The following ATP10B variants were observed in gnomAD, a reference collection of about 807,000 sequenced individuals.
The protein encoded by ATP10B is phospholipid-transporting ATPase VB.
In ATP10B, 122 loss-of-function variants were observed where a neutral mutation model predicts 141.2. The observed-to-expected ratio is 0.86, with a 90% confidence interval of 0.75 to 1.00. The LOEUF (loss-of-function observed/expected upper bound fraction) is 1.00. Ranked by LOEUF, ATP10B falls within the 50% of genes least tolerant of loss-of-function variation. The probability of loss-of-function intolerance (pLI) is 0.00; values close to 1 mark genes in which losing one functional copy is unlikely to be tolerated. For synonymous variants in ATP10B, 685 were observed against 692.0 expected, an observed-to-expected ratio of 0.99 and a Z score of 0.16; for missense variants, 1,876 against 1,825.3, an observed-to-expected ratio of 1.03 and a Z score of -0.51.
Position 160,620,877 on chromosome 5 carries a change from T to C in ATP10B, c.1886A>G (p.Lys629Arg). ...GAATGACTGGCTGAGGCTCAATAGC[T>C]TCAACTTCTGGAAGAGCTGCTGAAT... ...EKIQQLFQKL[K>R]LLSLSQSFSS... The change falls in exon 15 of 26, where the codon AAG becomes AGG. Residue 629 changes from lysine (K) to arginine (R), a missense_variant. Lys to Arg is a conservative substitution (Grantham distance 26). Transcript: ENST00000327245. The C allele has an allele frequency of 6.2e-7, 1 of 1,614,146 alleles. No homozygotes were observed. The highest frequency in any genetic ancestry group is 8.5e-7 in the Non-Finnish European group (1 of 1,180,026).
At chr5:160,668,186 T>C (rs1279520772) in intron 7 of ATP10B, among the ~76,000 whole-genome samples, 1 of 147,652 alleles carries the variant, frequency 6.8e-6, no homozygotes, top group Non-Finnish European at 1.5e-5. Context: ...AAGCAGATTG[T>C]GCCACCGTAC....
intron 2 of ATP10B, among the ~76,000 whole-genome samples, chr5:160,779,023 A>G (rs1327645384): frequency 6.6e-6 from 1 of 152,186 alleles, no homozygotes; most frequent in African/African-American, 2.4e-5. Flanking sequence ...ATTGAAGCAA[A>G]GGGAGAATGA....
chr5:160,879,175 G>A, the ATP10B span, among the ~76,000 whole-genome samples: 1 of 47,314 alleles, frequency 2.1e-5, no homozygotes, highest in Non-Finnish European at 4.3e-5. Context: ...AGAAAATGTG[G>A]CACATATACA....
At position 160,575,099 on chromosome 5, in the gene ATP10B, T is replaced by G. The variant is rs569315503; in HGVS notation, c.3751-5416A>C. On this transcript the variant is annotated intron_variant, in intron 24 of 25. Coordinates refer to ENST00000327245, the MANE Select transcript of ATP10B (RefSeq NM_025153.3). ...TTGATCAAACTTTAAATCCTTTGGG[T>G]CTAATGTTTTTGGGGATAGGATTTG... Among the ~76,000 whole-genome samples the G allele has an allele frequency of 4.3e-4, 66 of 152,258 alleles. No individual in the cohort carries two copies. In the South Asian group the frequency reaches 0.013, roughly 30 times the overall value.
intron 2 of ATP10B, among the ~76,000 whole-genome samples, chr5:160,748,643 T>C (rs899019078): frequency 2.0e-5 from 3 of 152,208 alleles, no homozygotes; most frequent in African/African-American, 7.2e-5. Context: ...GCTGAAGTGA[T>C]GCTGGCTGAG....
At chr5:160,722,301 G>A (rs942436056) in intron 2 of ATP10B, among the ~76,000 whole-genome samples, 5 of 152,132 alleles carry the variant, frequency 3.3e-5, no homozygotes, top group South Asian at 2.1e-4. Flanking sequence ...AATTAAAGAC[G>A]AAATAATGAA....
In ATP10B at chr5:160,632,127, A is replaced by C. The variant is rs1384400453; in HGVS notation, c.1620+2T>G. ...AGTTCAAAGGCAAAAGTCAGGACTTACTATGGAGCTGCTGAAGGCCACAGG... is the reference window on the plus strand; with the variant it reads ...AGTTCAAAGGCAAAAGTCAGGACTTCCTATGGAGCTGCTGAAGGCCACAGG... On this transcript the variant is annotated splice_donor_variant, in intron 13 of 25. Transcript: ENST00000327245. LOFTEE classifies it high-confidence loss of function. 7.5e-6 allele frequency: 12 copies of C among 1,609,630 alleles called. No individual in the cohort carries two copies. The highest frequency in any genetic ancestry group is 1.0e-5 in the Non-Finnish European group (12 of 1,176,568).
At chr5:160,818,543 T>C (rs996527812) in intron 1 of ATP10B, among the ~76,000 whole-genome samples, 5 of 152,234 alleles carry the variant, frequency 3.3e-5, no homozygotes, top group Non-Finnish European at 7.3e-5. Context: ...ATTTTTACAC[T>C]GTTGGTGGGA....
the ATP10B span, among the ~76,000 whole-genome samples, chr5:160,879,104 T>C: frequency 5.1e-5 from 3 of 58,476 alleles, no homozygotes; most frequent in South Asian, 6.7e-4. Flanking sequence ...TATTGTGGCA[T>C]TATTCACAAT....
At chr5:160,789,683 T>C (rs907119500) in intron 1 of ATP10B, among the ~76,000 whole-genome samples, 1 of 152,162 alleles carries the variant, frequency 6.6e-6, no homozygotes, top group Non-Finnish European at 1.5e-5. Context: ...CAAGCGTAAT[T>C]ATTGGCTACA....
chr5:160,650,755 A>G (rs1760674389), intron 7 of ATP10B, among the ~76,000 whole-genome samples: 1 of 152,228 alleles, frequency 6.6e-6, no homozygotes, highest in Admixed American at 6.5e-5. Context: ...TATAGCTTAG[A>G]AGGTATATAA....
intron 24 of ATP10B, among the ~76,000 whole-genome samples, chr5:160,581,656 C>G (rs946099297): frequency 2.0e-5 from 3 of 152,138 alleles, no homozygotes; most frequent in Non-Finnish European, 4.4e-5. Flanking sequence ...CTGTAGATGT[C>G]TATTAGGTCT....
rs763385041 is a variant in ATP10B, at chr5:160,755,814, C to CAAA, written c.-331+29742_-331+29744dup. On this transcript the variant is annotated intron_variant, in intron 2 of 25. Coordinates refer to ENST00000327245, the MANE Select transcript of ATP10B (RefSeq NM_025153.3). ...TGGGCGACAGAGCGAGACTCCGTCT[C>CAAA]AAAAAAAAAAAAAAAAAAAAAAAAA... is the stretch of plus-strand genomic sequence containing the variant. Among the ~76,000 whole-genome samples, 4 of 48,176 alleles carry CAAA rather than the reference C, an allele frequency of 8.3e-5. 1 individual carries two copies. The highest frequency in any genetic ancestry group is 3.8e-4 in the Admixed American group (1 of 2,652). The allele number at this position is 48,176 out of a possible 152,430, so 31.6% of individuals were successfully genotyped here. A position where few individuals can be genotyped will look rare whatever the true frequency, so the allele number is the denominator to read the frequency against.
At chr5:160,659,953 G>T (rs1192245911) in intron 7 of ATP10B, among the ~76,000 whole-genome samples, 2 of 152,126 alleles carry the variant, frequency 1.3e-5, no homozygotes, top group Non-Finnish European at 2.9e-5. Context: ...TGACAAATTT[G>T]ATCTCTCTGA....
chr5:160,815,838 A>G (rs976334009), intron 1 of ATP10B, among the ~76,000 whole-genome samples: 52 of 152,258 alleles, frequency 3.4e-4, no homozygotes, highest in African/African-American at 1.3e-3. Context: ...CAATCAAACT[A>G]GAACTCAAGA....
At chr5:160,856,015 C>CCTT (rs375449221), upstream of ATP10B, among the ~76,000 whole-genome samples, 932 of 151,824 alleles carry the variant, frequency 6.1e-3, 14 homozygotes, top group African/African-American at 0.022. Flanking sequence ...TAGATAGATT[C>CCTT]CTTCCACTTT....
At chr5:160,849,620 C>CACACACACACACAG (rs1189584058) in intron 1 of ATP10B, among the ~76,000 whole-genome samples, 1 of 148,784 alleles carries the variant, frequency 6.7e-6, no homozygotes, top group Admixed American at 6.7e-5. Flanking sequence ...CTGGCAATTA[C>CACACACACACACAG]ACACACACAC....
At chr5:160,757,619 T>C (rs1768720363) in intron 2 of ATP10B, among the ~76,000 whole-genome samples, 1 of 152,236 alleles carries the variant, frequency 6.6e-6, no homozygotes, top group African/African-American at 2.4e-5. Flanking sequence ...TCACTTAGTC[T>C]TCTGAGCCTT....
chr5:160,864,701 C>T, the ATP10B span, among the ~76,000 whole-genome samples: 1 of 151,820 alleles, frequency 6.6e-6, no homozygotes, highest in Non-Finnish European at 1.5e-5. Flanking sequence ...AAAGCTCAGA[C>T]CTGATAAATG....
Sources: allele counts gnomAD v4.1 joint callset (sites outside exome capture counted in the v4.1 genomes callset), GRCh38; gene constraint gnomAD v4.1.1; transcripts MANE v1.5; gene names NCBI Gene and HGNC (gene_info 2026-07-23, HGNC 2026-07-21).